UNC13C: variants seen among roughly 807,000 people sequenced by gnomAD.
UNC13C encodes the protein unc-13 homolog C.
UNC13C carries 174 observed loss-of-function variants against 245.4 expected under a neutral mutation model. That is an observed-to-expected ratio of 0.71 (90% CI 0.63 to 0.80). The LOEUF is 0.80. Ranked by LOEUF, UNC13C falls within the 30% of genes least tolerant of loss-of-function variation. The pLI is 0.00. For synonymous variants in UNC13C, 992 were observed against 895.1 expected (o/e 1.11, Z -1.93); for missense variants, 2,829 against 2,602.9 (o/e 1.09, Z -1.89).
chr15:53,858,393 C>T, the UNC13C span, among the ~76,000 whole-genome samples: 1 of 150,686 alleles, frequency 6.6e-6, no homozygotes, highest in Admixed American at 6.6e-5. Flanking sequence ...TCATTTTCTC[C>T]TCATAATGAG....
intron 29 of UNC13C, among the ~76,000 whole-genome samples, chr15:54,563,718 A>C (rs913181012): frequency 1.3e-5 from 2 of 152,062 alleles, no homozygotes; most frequent in African/African-American, 4.8e-5. Context: ...ACTATACTGC[A>C]CTGAGCTATG....
intron 30 of UNC13C, among the ~76,000 whole-genome samples, chr15:54,610,698 C>CTAT (rs994878209): frequency 6.6e-6 from 1 of 152,162 alleles, no homozygotes; most frequent in African/African-American, 2.4e-5. Flanking sequence ...TAGGTAAGAA[C>CTAT]TATTACTCCT....
chr15:54,591,930 G>A (rs1898813480), intron 30 of UNC13C, among the ~76,000 whole-genome samples: 1 of 151,934 alleles, frequency 6.6e-6, no homozygotes. Flanking sequence ...CAGGTGTTTA[G>A]GGTTATGAAC....
intron 26 of UNC13C, among the ~76,000 whole-genome samples, chr15:54,533,647 G>A (rs1895858709): frequency 1.3e-5 from 2 of 152,226 alleles, no homozygotes; most frequent in South Asian, 4.1e-4. Flanking sequence ...AGTGGTGGGA[G>A]TGCATGGGAA....
chr15:53,837,818 C>G, the UNC13C span, among the ~76,000 whole-genome samples: 1 of 152,064 alleles, frequency 6.6e-6, no homozygotes, highest in South Asian at 2.1e-4. Flanking sequence ...CCATCTTTTC[C>G]CTACTGGTTT....
Position 54,626,982 on chromosome 15 carries a change from C to G in UNC13C, c.6514C>G (p.Leu2172Val). The stretch of plus-strand genomic sequence containing the variant: ...AAGCTATGGGGCATGGTATCCTCTT[C>G]TGAAAAATATCTCTATGGATGAAAC... The part of the protein sequence containing the change: ...KGSYGAWYPL[L>V]KNISMDETGL... The change falls in exon 33 of 33, where the codon CTG (leucine) becomes GTG (valine). Residue 2172 changes from leucine to valine, a missense_variant. Leu to Val is a conservative substitution (Grantham distance 32, BLOSUM62 1). Coordinates refer to ENST00000260323, the MANE Select transcript of UNC13C (RefSeq NM_001080534.3). 1 of 1,613,400 alleles carries G rather than the reference C, an allele frequency of 6.2e-7. No homozygotes were observed.
intron 29 of UNC13C, among the ~76,000 whole-genome samples, chr15:54,556,956 G>A (rs1447105659): frequency 6.6e-6 from 1 of 151,956 alleles, no homozygotes; most frequent in Non-Finnish European, 1.5e-5. Context: ...AATTTTTATT[G>A]ATGGGGCCAG....
the UNC13C span, among the ~76,000 whole-genome samples, chr15:53,879,833 C>T: frequency 6.6e-6 from 1 of 152,142 alleles, no homozygotes; most frequent in Non-Finnish European, 1.5e-5. Context: ...GATCCACCTG[C>T]CTTGGCCTGA....
At chr15:53,837,805 A>T in the UNC13C span, among the ~76,000 whole-genome samples, 1 of 152,202 alleles carries the variant, frequency 6.6e-6, no homozygotes, top group Admixed American at 6.6e-5. Flanking sequence ...TTTATTGAAT[A>T]GTCCATCTTT....
chr15:54,289,777 C>T (rs1161762565), intron 10 of UNC13C, among the ~76,000 whole-genome samples: 2 of 151,936 alleles, frequency 1.3e-5, no homozygotes, highest in Non-Finnish European at 2.9e-5. Flanking sequence ...AACCCTGTAT[C>T]ACAGTACTAC....
chr15:53,852,597 G>A, the UNC13C span, among the ~76,000 whole-genome samples: 3 of 152,026 alleles, frequency 2.0e-5, no homozygotes, highest in Admixed American at 2.0e-4. Context: ...TGAGCTCTTT[G>A]ACTAGGCTCT....
intron 19 of UNC13C, among the ~76,000 whole-genome samples, chr15:54,445,658 A>G (rs1890770856): frequency 6.6e-6 from 1 of 152,060 alleles, no homozygotes; most frequent in African/African-American, 2.4e-5. Flanking sequence ...TTTCTTGTAA[A>G]TTTGTTTGAG....
At chr15:54,082,348 C>T (rs966481496) in intron 2 of UNC13C, among the ~76,000 whole-genome samples, 3 of 138,786 alleles carry the variant, frequency 2.2e-5, no homozygotes, top group Admixed American at 7.4e-5. Flanking sequence ...CTGAACTATT[C>T]TTTCAAATAT....
At chr15:53,865,794 T>A in the UNC13C span, among the ~76,000 whole-genome samples, 1 of 152,130 alleles carries the variant, frequency 6.6e-6, no homozygotes, top group Non-Finnish European at 1.5e-5. Flanking sequence ...TATATTTATA[T>A]TTATTTTATT....
chr15:54,201,818 A>C (rs1375863880), intron 4 of UNC13C, among the ~76,000 whole-genome samples: 2 of 152,068 alleles, frequency 1.3e-5, no homozygotes, highest in Admixed American at 1.3e-4. Context: ...AGCCAGAGAA[A>C]TCAGACAAGA....
chr15:54,599,757 C>G (rs1260336142), intron 30 of UNC13C, among the ~76,000 whole-genome samples: 1 of 152,034 alleles, frequency 6.6e-6, no homozygotes, highest in Non-Finnish European at 1.5e-5. Flanking sequence ...TTCTCTGGGT[C>G]TGTGTGAAGC....
At chr15:53,887,174 T>C in the UNC13C span, among the ~76,000 whole-genome samples, 2 of 152,184 alleles carry the variant, frequency 1.3e-5, no homozygotes, top group Non-Finnish European at 2.9e-5. Flanking sequence ...ATAATGTTTG[T>C]GTGTGGAAGG....
chr15:54,581,972 T>A (rs557329321), intron 30 of UNC13C, among the ~76,000 whole-genome samples: 1 of 150,422 alleles, frequency 6.6e-6, no homozygotes, highest in African/African-American at 2.5e-5. Context: ...GGAGAGGAGG[T>A]CATACAGGTT....
intron 19 of UNC13C, among the ~76,000 whole-genome samples, chr15:54,473,327 G>A (rs1017209316): frequency 5.9e-5 from 9 of 151,474 alleles, no homozygotes; most frequent in East Asian, 3.9e-4. Context: ...GATATCCATC[G>A]CCTTAAACAT....
Sources: gnomAD v4.1 joint callset for allele counts (sites outside exome capture counted in the v4.1 genomes callset) on GRCh38, gnomAD v4.1.1 for gene constraint, MANE v1.5 for transcripts, NCBI Gene and HGNC (gene_info 2026-07-23, HGNC 2026-07-21) for gene names.